The following SLC30A10 variants were observed in gnomAD, a reference collection of about 807,000 sequenced individuals.
The protein encoded by SLC30A10 is calcium/manganese antiporter SLC30A10.
SLC30A10 carries 8 observed loss-of-function variants against 21.7 expected under a neutral mutation model. The ratio of observed to expected loss-of-function variants is 0.37; its 90% CI spans 0.22 to 0.67. The LOEUF is 0.67. Among genes scored for constraint, SLC30A10 ranks in the 30% least tolerant of loss-of-function variants. The probability of loss-of-function intolerance (pLI) is 0.58; values close to 1 mark genes in which losing one functional copy is unlikely to be tolerated. For synonymous variants in SLC30A10, 272 were observed against 279.4 expected (o/e 0.97, Z 0.26); for missense variants, 521 against 642.5 (o/e 0.81, Z 2.04).
In SLC30A10 at chr1:219,927,639, A is replaced by T. The variant is rs1335817577; in HGVS notation, c.640+162T>A. Among the ~76,000 whole-genome samples the T allele has an allele frequency of 3.6e-3, 38 of 10,660 alleles. No homozygotes were observed. In the African/African-American group the frequency reaches 0.045, roughly 13 times the overall value. The allele number at this position is 10,660 out of a possible 152,430, so 7.0% of individuals were successfully genotyped here. On this transcript the variant is annotated intron_variant, in intron 1 of 3. Coordinates refer to ENST00000366926, the MANE Select transcript of SLC30A10 (RefSeq NM_018713.3). Reference sequence around the variant, plus strand: ...GGATTGTAAAGGGAATGGATTTATTAAAAAAAAAAAAAAAAAAAAAAAAAA... The same window carrying T: ...GGATTGTAAAGGGAATGGATTTATTTAAAAAAAAAAAAAAAAAAAAAAAAA...
intron 1 of SLC30A10, among the ~76,000 whole-genome samples, chr1:219,947,909 A>C (rs1437732451): frequency 6.6e-6 from 1 of 152,108 alleles, no homozygotes; most frequent in Non-Finnish European, 1.5e-5. Flanking sequence ...CAACTTCAGC[A>C]AAGTTTCAGG....
chr1:219,934,722 T>C (rs1392493824), intron 1 of SLC30A10, among the ~76,000 whole-genome samples: 1 of 152,170 alleles, frequency 6.6e-6, no homozygotes, highest in East Asian at 1.9e-4. Flanking sequence ...TAACACCACT[T>C]TGAATGGGCT....
At chr1:219,958,108 T>A (rs985999879) in intron 1 of SLC30A10, among the ~76,000 whole-genome samples, 1 of 152,224 alleles carries the variant, frequency 6.6e-6, no homozygotes, top group African/African-American at 2.4e-5. Context: ...TGTCTGATAC[T>A]GTGCTCTTTG....
At chr1:219,957,704 A>C (rs534131744) in intron 1 of SLC30A10, among the ~76,000 whole-genome samples, 1 of 152,316 alleles carries the variant, frequency 6.6e-6, no homozygotes, top group East Asian at 1.9e-4. Context: ...TTCATGCTAT[A>C]TGACTTCTTT....
intron 3 of SLC30A10, 136 bp from the exon 4 acceptor site, chr1:219,916,084 G>A (rs1659535194): frequency 9.3e-7 from 1 of 1,078,060 alleles, no homozygotes. Flanking sequence ...GAAGAAATTA[G>A]TTCTACCTCT....
intron 1 of SLC30A10, among the ~76,000 whole-genome samples, chr1:219,935,759 G>A (rs566632254): frequency 7.2e-5 from 11 of 152,146 alleles, no homozygotes; most frequent in African/African-American, 2.2e-4. Flanking sequence ...TTCCAGTTGT[G>A]GAATCTCCTT....
chr1:219,952,323 A>C (rs1463390799), intron 1 of SLC30A10, among the ~76,000 whole-genome samples: 1 of 152,210 alleles, frequency 6.6e-6, no homozygotes, highest in African/African-American at 2.4e-5. Flanking sequence ...ACAGATGAAG[A>C]AACTGAGGTT....
chr1:219,946,229 G>T (rs1004107133), intron 1 of SLC30A10, among the ~76,000 whole-genome samples: 1 of 151,976 alleles, frequency 6.6e-6, no homozygotes, highest in Non-Finnish European at 1.5e-5. Context: ...CTATATAATT[G>T]CCAATGAGCA....
intron 1 of SLC30A10, among the ~76,000 whole-genome samples, chr1:219,952,941 T>C (rs947729383): frequency 3.3e-5 from 5 of 152,162 alleles, no homozygotes; most frequent in African/African-American, 1.2e-4. Flanking sequence ...CCAGACCCCT[T>C]CACGGGACAA....
At chr1:219,935,381 A>G (rs1660032127) in intron 1 of SLC30A10, among the ~76,000 whole-genome samples, 1 of 152,230 alleles carries the variant, frequency 6.6e-6, no homozygotes, top group South Asian at 2.1e-4. Context: ...GAAATTGTGG[A>G]AATAATTTTG....
rs1011104503 is a variant in SLC30A10, at chr1:219,911,124, A to G, written c.*4325T>C. Among the ~76,000 whole-genome samples, 8 of 45,724 alleles carry G rather than the reference A, an allele frequency of 1.7e-4. No individual in the cohort carries two copies. The highest frequency in any genetic ancestry group is 3.8e-4 in the Non-Finnish European group (7 of 18,550). 30.0% of individuals were successfully genotyped at this position (45,724 alleles called of 152,430 possible). ...CCAAACTCAAAATTCAAATCAGGTC[A>G]TGTTTCTTCATTTTTTCTACATCAG... is the stretch of plus-strand genomic sequence containing the variant. On this transcript the variant is annotated 3_prime_UTR_variant, in exon 4 of 4. Coordinates refer to ENST00000366926, the MANE Select transcript of SLC30A10 (RefSeq NM_018713.3).
At chr1:219,925,652 T>TA (rs1491117690) in intron 2 of SLC30A10, among the ~76,000 whole-genome samples, 1,574 of 35,674 alleles carry the variant, frequency 0.044, 10 homozygotes, top group Middle Eastern at 0.074. Context: ...TATATATATA[T>TA]TTTTTTTTTT....
chr1:219,938,960 G>T (rs564655365), intron 1 of SLC30A10, among the ~76,000 whole-genome samples: 16 of 152,270 alleles, frequency 1.1e-4, no homozygotes, highest in African/African-American at 3.9e-4. Flanking sequence ...CGTAGCTATG[G>T]GGCTGTTTTA....
At chr1:219,941,836 T>G (rs1660126983) in intron 1 of SLC30A10, among the ~76,000 whole-genome samples, 1 of 152,202 alleles carries the variant, frequency 6.6e-6, no homozygotes, top group Non-Finnish European at 1.5e-5. Context: ...CAAGAATGTT[T>G]TCAATGTCAC....
chr1:219,927,657 A>ACAAC, intron 1 of SLC30A10, 144 bp downstream of exon 1: 1 of 570,326 alleles, frequency 1.8e-6, no homozygotes, highest in South Asian at 5.1e-5. Flanking sequence ...AAAAAAAAAA[A>ACAAC]AAAAAAAAAA....
chr1:219,933,010 G>A (rs543682073), upstream of SLC30A10, among the ~76,000 whole-genome samples: 24 of 151,210 alleles, frequency 1.6e-4, no homozygotes, highest in South Asian at 4.8e-3. Context: ...GCAGTGAGCC[G>A]AGATCCTGCC....
intron 1 of SLC30A10, among the ~76,000 whole-genome samples, chr1:219,935,959 A>T (rs1299220578): frequency 6.6e-6 from 1 of 152,186 alleles, no homozygotes; most frequent in East Asian, 1.9e-4. Context: ...GTAAATCTAA[A>T]CCCAAACCCC....
At chr1:219,924,068 A>AAAAC (rs531984403) in intron 2 of SLC30A10, among the ~76,000 whole-genome samples, 85 of 152,326 alleles carry the variant, frequency 5.6e-4, no homozygotes, top group African/African-American at 1.7e-3. Context: ...CTCAAAAAAC[A>AAAAC]AAACAAACAA....
At chr1:219,939,792 A>C (rs566488995) in intron 1 of SLC30A10, among the ~76,000 whole-genome samples, 8 of 152,256 alleles carry the variant, frequency 5.3e-5, no homozygotes, top group African/African-American at 1.9e-4. Context: ...GCTGTATCTG[A>C]GGAATTGTCC....
Sources: allele counts gnomAD v4.1 joint callset (sites outside exome capture counted in the v4.1 genomes callset), GRCh38; gene constraint gnomAD v4.1.1; transcripts MANE v1.5; gene names NCBI Gene and HGNC (gene_info 2026-07-23, HGNC 2026-07-21).